Variants in GALNT10 observed in about 807,000 individuals in gnomAD.
GALNT10 encodes the protein GalNAc transferase 10.
A neutral mutation model predicts 75.0 loss-of-function variants in GALNT10; 41 were observed. The ratio of observed to expected loss-of-function variants is 0.55; its 90% CI spans 0.43 to 0.71. The LOEUF (loss-of-function observed/expected upper bound fraction) is 0.71. Ranked by LOEUF, GALNT10 falls within the 30% of genes least tolerant of loss-of-function variation. The pLI is 0.00. For missense variants in GALNT10, 727 were observed against 818.5 expected (o/e 0.89, Z 1.36); for synonymous variants, 302 against 313.0 (o/e 0.96, Z 0.37).
At chr5:154,279,728 G>T (rs943939241) in intron 1 of GALNT10, among the ~76,000 whole-genome samples, 1 of 151,908 alleles carries the variant, frequency 6.6e-6, no homozygotes, top group African/African-American at 2.4e-5. Flanking sequence ...CTATAGGAAT[G>T]TGCCACCACA....
intron 4 of GALNT10, among the ~76,000 whole-genome samples, chr5:154,359,340 G>C (rs556528201): frequency 6.6e-6 from 1 of 151,976 alleles, no homozygotes; most frequent in African/African-American, 2.4e-5. Flanking sequence ...TTATGAGGTC[G>C]GTGGAGCAGT....
chr5:154,353,990 G>C (rs1446308728), intron 4 of GALNT10, among the ~76,000 whole-genome samples: 2 of 152,150 alleles, frequency 1.3e-5, no homozygotes, highest in Non-Finnish European at 2.9e-5. Flanking sequence ...ACATCATTAA[G>C]TGTTGAATTA....
At position 154,412,743 on chromosome 5, in the gene GALNT10, C is replaced by CA; in HGVS notation, c.1387-144dup. 1 of 704,750 alleles carries CA rather than the reference C, an allele frequency of 1.4e-6. No homozygotes were observed. Among genetic ancestry groups the CA allele is most frequent in the Non-Finnish European group, 2.6e-6 (1 of 389,590 alleles). The allele number at this position is 704,750 out of a possible 1,614,324, so 43.7% of individuals were successfully genotyped here. A position where few individuals can be genotyped will look rare whatever the true frequency, so the allele number is the denominator to read the frequency against. ...TTCATTGAGAGGCTCAAGGTACTTC[C>CA]AACAGCCCAGGGCAAGCTTTATCAA... On this transcript the variant is annotated intron_variant, in intron 9 of 11. Transcript: ENST00000297107. The surrounding 1 kb of genome is among the most constrained non-coding windows in gnomAD (Gnocchi z 4.2).
chr5:154,364,395 G>T (rs759577629), intron 4 of GALNT10, among the ~76,000 whole-genome samples: 1 of 152,174 alleles, frequency 6.6e-6, no homozygotes, highest in Non-Finnish European at 1.5e-5. Context: ...TATCAGATTA[G>T]TCTCTGGTAG....
At chr5:154,225,493 T>C (rs991151365) in intron 1 of GALNT10, among the ~76,000 whole-genome samples, 4 of 151,174 alleles carry the variant, frequency 2.6e-5, no homozygotes, top group African/African-American at 9.7e-5. Context: ...TGGGCTCAAG[T>C]AGTCCTCCCA....
intron 4 of GALNT10, chr5:154,347,265 G>A: frequency 2.2e-6 from 1 of 464,986 alleles, no homozygotes; most frequent in Admixed American, 2.9e-5. Context: ...CAAGCGCATG[G>A]CAGAGTCAGA....
At chr5:154,387,974 G>C (rs1308110872) in intron 7 of GALNT10, 1 of 147,790 alleles carries the variant, frequency 6.8e-6, no homozygotes, top group Non-Finnish European at 1.5e-5. Flanking sequence ...GTGCGATCTT[G>C]GCTCACTGCA....
chr5:154,206,638 G>A (rs1775115789), intron 1 of GALNT10, among the ~76,000 whole-genome samples: 1 of 152,254 alleles, frequency 6.6e-6, no homozygotes, highest in South Asian at 2.1e-4. Context: ...TTAGCAAAGT[G>A]TACATGGTGG....
At chr5:154,192,463 C>T (rs1774872556) in intron 1 of GALNT10, among the ~76,000 whole-genome samples, 1 of 152,220 alleles carries the variant, frequency 6.6e-6, no homozygotes, top group Admixed American at 6.5e-5. Flanking sequence ...TCCTCTGTTC[C>T]TATTCAGTAC....
At chr5:154,228,785 A>G (rs527636890) in intron 1 of GALNT10, among the ~76,000 whole-genome samples, 43 of 152,192 alleles carry the variant, frequency 2.8e-4, no homozygotes, top group Non-Finnish European at 5.7e-4. Context: ...TTCTAAGAGG[A>G]TGTGCAAATC....
At chr5:154,281,472 T>G (rs944929669) in intron 1 of GALNT10, among the ~76,000 whole-genome samples, 2 of 152,224 alleles carry the variant, frequency 1.3e-5, no homozygotes, top group African/African-American at 4.8e-5. Flanking sequence ...GTTTTATAGA[T>G]AATCATGTCA....
chr5:154,378,172 A>G (rs926707986), intron 5 of GALNT10, among the ~76,000 whole-genome samples: 4 of 152,260 alleles, frequency 2.6e-5, no homozygotes, highest in Non-Finnish European at 5.9e-5. Flanking sequence ...AGCAGCTGAC[A>G]GAGCGCATCA....
At chr5:154,246,216 C>T (rs1224110133) in intron 1 of GALNT10, among the ~76,000 whole-genome samples, 1 of 152,082 alleles carries the variant, frequency 6.6e-6, no homozygotes, top group East Asian at 1.9e-4. Context: ...CATTGTTGGA[C>T]ATTTGAGTTG....
At chr5:154,379,006 A>C in intron 5 of GALNT10, among the ~76,000 whole-genome samples, 1 of 138,120 alleles carries the variant, frequency 7.2e-6, no homozygotes, top group East Asian at 2.5e-4. Flanking sequence ...GTCAACCTCC[A>C]GAGATTCTGA....
chr5:154,225,197 A>G (rs972251456), intron 1 of GALNT10, among the ~76,000 whole-genome samples: 4 of 150,484 alleles, frequency 2.7e-5, no homozygotes, highest in African/African-American at 9.8e-5. Flanking sequence ...GGTTCACGCC[A>G]TTCTCCTGCC....
At chr5:154,248,116 A>G (rs1360958948) in intron 1 of GALNT10, among the ~76,000 whole-genome samples, 1 of 152,188 alleles carries the variant, frequency 6.6e-6, no homozygotes. Flanking sequence ...GATTACATTT[A>G]TTGATTTTCC....
At chr5:154,305,296 T>TA (rs374431386) in intron 3 of GALNT10, among the ~76,000 whole-genome samples, 17,949 of 133,540 alleles carry the variant, frequency 0.13, 1,150 homozygotes, top group African/African-American at 0.17. Flanking sequence ...ACCTCATCTG[T>TA]AAAAAAAAAA....
At chr5:154,269,918 G>A (rs1753835928) in intron 1 of GALNT10, among the ~76,000 whole-genome samples, 1 of 152,108 alleles carries the variant, frequency 6.6e-6, no homozygotes, top group East Asian at 1.9e-4. Flanking sequence ...AAAGAGTCTG[G>A]GCACTGAAGC....
intron 1 of GALNT10, among the ~76,000 whole-genome samples, chr5:154,215,103 CAG>C (rs1752845012): frequency 6.6e-6 from 1 of 152,134 alleles, no homozygotes. Flanking sequence ...TTTTTAGAAA[CAG>C]AGTTTGAGTT....
Sources: allele counts gnomAD v4.1 joint callset (sites outside exome capture counted in the v4.1 genomes callset), GRCh38; gene constraint gnomAD v4.1.1; non-coding constraint Gnocchi (gnomAD v3.1); transcripts MANE v1.5; gene names NCBI Gene and HGNC (gene_info 2026-07-23, HGNC 2026-07-21).